Variants in FBXL7 observed in about 807,000 individuals in gnomAD.
FBXL7 encodes F-box and leucine rich repeat protein 7.
FBXL7 carries 12 observed loss-of-function variants against 38.3 expected under a neutral mutation model. That is an observed-to-expected ratio of 0.31 (90% CI 0.20 to 0.51). FBXL7 has a LOEUF of 0.51. FBXL7 is among the 20% of genes least tolerant of loss of function. FBXL7 has a pLI of 0.98. For synonymous variants in FBXL7, 297 were observed against 300.9 expected, an observed-to-expected ratio of 0.99 and a Z score of 0.13; for missense variants, 567 against 676.4, an observed-to-expected ratio of 0.84 and a Z score of 1.79.
chr5:15,608,536 TAGA>T (rs1416928959), intron 1 of FBXL7, among the ~76,000 whole-genome samples: 1 of 152,210 alleles, frequency 6.6e-6, no homozygotes, highest in African/African-American at 2.4e-5. Flanking sequence ...AACATGAATC[TAGA>T]TATTGCTGTG....
chr5:15,534,083 C>T (rs1009854944), intron 1 of FBXL7, among the ~76,000 whole-genome samples: 15 of 152,126 alleles, frequency 9.9e-5, no homozygotes, highest in African/African-American at 3.6e-4. Context: ...TCTGTAGATT[C>T]TAGACCCCAT....
chr5:15,773,604 G>A (rs1165508387), intron 2 of FBXL7, among the ~76,000 whole-genome samples: 1 of 152,100 alleles, frequency 6.6e-6, no homozygotes, highest in African/African-American at 2.4e-5. Flanking sequence ...ATTCGTGACT[G>A]TGCCACTGCA....
At chr5:15,897,351 CTCT>C (rs1261318050) in intron 2 of FBXL7, among the ~76,000 whole-genome samples, 2 of 152,094 alleles carry the variant, frequency 1.3e-5, no homozygotes, top group African/African-American at 4.8e-5. Context: ...TTGTATTTTC[CTCT>C]TAAGTGTGAG....
intron 2 of FBXL7, among the ~76,000 whole-genome samples, chr5:15,721,604 A>G (rs956511309): frequency 1.3e-5 from 2 of 152,136 alleles, no homozygotes; most frequent in African/African-American, 2.4e-5. Flanking sequence ...TGATAAAAAT[A>G]GAAATATTCC....
rs556937273 is a variant in FBXL7, at chr5:15,833,836, G to A, written c.128-94054G>A. 3.9e-5 allele frequency among the ~76,000 whole-genome samples: 6 copies of A among 152,252 alleles called. No individual in the cohort carries two copies. The Middle Eastern group carries it at 0.01, about 259-fold the overall frequency. On this transcript the variant is annotated intron_variant, in intron 2 of 3. Coordinates refer to ENST00000504595, the MANE Select transcript of FBXL7 (RefSeq NM_012304.5). Reference sequence around the variant, plus strand: ...CAGTACTGTTTAAGAGGAAGGGCATGGACATTCTAAAATTTTCGTGATGAT... The same window carrying A: ...CAGTACTGTTTAAGAGGAAGGGCATAGACATTCTAAAATTTTCGTGATGAT...
intron 2 of FBXL7, among the ~76,000 whole-genome samples, chr5:15,882,441 G>A (rs1740495748): frequency 1.3e-5 from 2 of 152,060 alleles, no homozygotes. Flanking sequence ...GTTGGTGTTG[G>A]GGTTGTAGAG....
At chr5:15,780,161 T>A (rs889689562) in intron 2 of FBXL7, among the ~76,000 whole-genome samples, 1 of 152,074 alleles carries the variant, frequency 6.6e-6, no homozygotes, top group Non-Finnish European at 1.5e-5. Flanking sequence ...TGTCTATATA[T>A]TTTTTTCACT....
chr5:15,566,031 C>CT lies in FBXL7; in HGVS notation c.38-49943dup, dbSNP rs532279706. Among the ~76,000 whole-genome samples the CT allele has an allele frequency of 1.2e-3, 183 of 150,878 alleles. 1 individual carries two copies. The highest frequency in any genetic ancestry group is 2.8e-3 in the Admixed American group (42 of 15,094). ...GAATCATCACACGTGTAAAACTTTC[C>CT]TTTTTTTTTAAGGATAGGAAGAATA... On this transcript the variant is annotated intron_variant, in intron 1 of 3. Transcript: ENST00000504595.
intron 1 of FBXL7, among the ~76,000 whole-genome samples, chr5:15,610,507 T>G (rs1379675115): frequency 6.6e-6 from 1 of 152,204 alleles, no homozygotes; most frequent in African/African-American, 2.4e-5. Flanking sequence ...AAGAATGTCG[T>G]CATGCTGCAG....
At chr5:15,868,617 A>G (rs1561162120) in intron 2 of FBXL7, among the ~76,000 whole-genome samples, 1 of 152,162 alleles carries the variant, frequency 6.6e-6, no homozygotes, top group Admixed American at 6.5e-5. Context: ...ATGTGAAGGT[A>G]TAGGTAAAGC....
At chr5:15,810,869 G>A (rs1737842516) in intron 2 of FBXL7, among the ~76,000 whole-genome samples, 1 of 152,044 alleles carries the variant, frequency 6.6e-6, no homozygotes, top group Non-Finnish European at 1.5e-5. Context: ...ATAGTTCTTG[G>A]TTCCCAGTAG....
intron 2 of FBXL7, among the ~76,000 whole-genome samples, chr5:15,780,194 T>G (rs1736956602): frequency 6.6e-6 from 1 of 152,138 alleles, no homozygotes; most frequent in Middle Eastern, 3.2e-3. Flanking sequence ...AGATTAGTGG[T>G]AAATATCCAG....
chr5:15,621,833 C>T (rs1740655432), intron 2 of FBXL7, among the ~76,000 whole-genome samples: 2 of 152,308 alleles, frequency 1.3e-5, no homozygotes, highest in East Asian at 3.9e-4. Flanking sequence ...GTTATCAAAC[C>T]AGACAACAAT....
chr5:15,621,121 G>C (rs573528379), intron 2 of FBXL7, among the ~76,000 whole-genome samples: 2 of 152,152 alleles, frequency 1.3e-5, no homozygotes, highest in Non-Finnish European at 2.9e-5. Context: ...CCATTCCAAA[G>C]TCTCATGCCA....
chr5:15,664,320 A>T (rs1316049026), intron 2 of FBXL7, among the ~76,000 whole-genome samples: 1 of 152,142 alleles, frequency 6.6e-6, no homozygotes, highest in Non-Finnish European at 1.5e-5. Flanking sequence ...TAAACTCTAC[A>T]ATCTATGTTA....
At chr5:15,798,657 A>G (rs1737477853) in intron 2 of FBXL7, among the ~76,000 whole-genome samples, 1 of 152,198 alleles carries the variant, frequency 6.6e-6, no homozygotes, top group South Asian at 2.1e-4. Flanking sequence ...TTCATTTATG[A>G]TCTATATGAA....
chr5:15,817,293 T>G lies in FBXL7; in HGVS notation c.128-110597T>G, dbSNP rs929000159. Among the ~76,000 whole-genome samples, 9 of 152,116 alleles carry G rather than the reference T, an allele frequency of 5.9e-5. No individual in the cohort carries two copies. The South Asian group carries it at 1.9e-3, about 31-fold the overall frequency. ...CCTTCTTTCCTAAATGCATGACTTT[T>G]GCTAACTTTTTTTTTTTTTAAAAAA... On this transcript the variant is annotated intron_variant, in intron 2 of 3. Coordinates refer to ENST00000504595, the MANE Select transcript of FBXL7 (RefSeq NM_012304.5).
chr5:15,592,448 T>G (rs1173743367), intron 1 of FBXL7, among the ~76,000 whole-genome samples: 1 of 152,178 alleles, frequency 6.6e-6, no homozygotes, highest in African/African-American at 2.4e-5. Flanking sequence ...TGTGAAGATT[T>G]AATGTCAGAT....
intron 2 of FBXL7, among the ~76,000 whole-genome samples, chr5:15,792,323 T>G (rs1737297654): frequency 6.6e-6 from 1 of 152,132 alleles, no homozygotes; most frequent in Non-Finnish European, 1.5e-5. Flanking sequence ...CACCATGGAT[T>G]CATTGTGAAC....
Sources: gnomAD v4.1 joint callset for allele counts (sites outside exome capture counted in the v4.1 genomes callset) on GRCh38, gnomAD v4.1.1 for gene constraint, MANE v1.5 for transcripts, NCBI Gene and HGNC (gene_info 2026-07-23, HGNC 2026-07-21) for gene names.